THADA: variants seen among roughly 807,000 people sequenced by gnomAD.
The protein encoded by THADA is THADA armadillo repeat containing, also known as tRNA (32-2'-O)-methyltransferase regulator THADA.
A neutral mutation model predicts 219.8 loss-of-function variants in THADA; 213 were observed. That is an observed-to-expected ratio of 0.97 (90% CI 0.87 to 1.09). THADA has a LOEUF of 1.09. Ranked by LOEUF, THADA falls within the 50% of genes least tolerant of loss-of-function variation. THADA has a pLI of 0.00. For missense variants in THADA, 2,956 were observed against 2,311.3 expected, an observed-to-expected ratio of 1.28 and a Z score of -5.72; for synonymous variants, 1,018 against 828.9, an observed-to-expected ratio of 1.23 and a Z score of -3.92.
At chr2:43,411,309 T>C (rs1253486309) in intron 28 of THADA, among the ~76,000 whole-genome samples, 2 of 152,174 alleles carry the variant, frequency 1.3e-5, no homozygotes, top group Non-Finnish European at 1.5e-5. Flanking sequence ...TTTACCACCA[T>C]AGAAGTGAAC....
intron 36 of THADA, among the ~76,000 whole-genome samples, chr2:43,234,897 T>G (rs1156767337): frequency 2.6e-5 from 4 of 152,164 alleles, no homozygotes; most frequent in African/African-American, 9.7e-5. Context: ...GGTCTCAAAC[T>G]CCTGACCTCA....
At chr2:43,368,846 T>C (rs1670475216) in intron 29 of THADA, among the ~76,000 whole-genome samples, 1 of 152,158 alleles carries the variant, frequency 6.6e-6, no homozygotes, top group Non-Finnish European at 1.5e-5. Context: ...CAACCTAACA[T>C]CACAAGTTAG....
chr2:43,259,137 G>A (rs1670664275), intron 36 of THADA, among the ~76,000 whole-genome samples: 1 of 152,168 alleles, frequency 6.6e-6, no homozygotes, highest in Non-Finnish European at 1.5e-5. Context: ...AAGGGGAGGG[G>A]GTCAGTGAAG....
intron 29 of THADA, among the ~76,000 whole-genome samples, chr2:43,351,642 T>A (rs996257942): frequency 7.2e-5 from 11 of 152,228 alleles, no homozygotes; most frequent in Non-Finnish European, 1.6e-4. Context: ...GAGCTCTTTA[T>A]CTGGCAGGGA....
intron 29 of THADA, among the ~76,000 whole-genome samples, chr2:43,366,711 A>C (rs1200528245): frequency 6.6e-6 from 1 of 152,238 alleles, no homozygotes; most frequent in East Asian, 1.9e-4. Flanking sequence ...TTTTTATGGA[A>C]AACAGTATGG....
At chr2:43,476,193 T>C (rs1006382240) in intron 26 of THADA, among the ~76,000 whole-genome samples, 2 of 152,118 alleles carry the variant, frequency 1.3e-5, no homozygotes, top group Admixed American at 1.3e-4. Context: ...TGAAGAAAAG[T>C]GTGTAGAGTG....
chr2:43,366,357 A>G (rs1254947592), intron 29 of THADA, among the ~76,000 whole-genome samples: 1 of 152,206 alleles, frequency 6.6e-6, no homozygotes, highest in Non-Finnish European at 1.5e-5. Flanking sequence ...TGAAGAAGAA[A>G]AAGCTCACTG....
At chr2:43,356,078 A>G (rs1343053961) in intron 29 of THADA, among the ~76,000 whole-genome samples, 1 of 152,222 alleles carries the variant, frequency 6.6e-6, no homozygotes, top group Non-Finnish European at 1.5e-5. Context: ...GTTAAGGGCT[A>G]TAAGAGAAAT....
chr2:43,258,192 C>G (rs1209249138), intron 36 of THADA, among the ~76,000 whole-genome samples: 1 of 152,002 alleles, frequency 6.6e-6, no homozygotes, highest in East Asian at 1.9e-4. Context: ...GTAAGTATTC[C>G]CAAATATAGC....
chr2:43,513,065 G>A (rs1690698077), intron 22 of THADA, among the ~76,000 whole-genome samples: 1 of 152,176 alleles, frequency 6.6e-6, no homozygotes, highest in African/African-American at 2.4e-5. Context: ...CCTAGTAGCT[G>A]TACAATCCAA....
chr2:43,509,643 A>AT (rs892740198), intron 22 of THADA, among the ~76,000 whole-genome samples: 13 of 151,676 alleles, frequency 8.6e-5, no homozygotes, highest in African/African-American at 2.2e-4. Flanking sequence ...GAACATTGGG[A>AT]TTTTTTTTTC....
chr2:43,363,147 C>T (rs774392353), intron 29 of THADA, among the ~76,000 whole-genome samples: 6 of 152,172 alleles, frequency 3.9e-5, no homozygotes, highest in Non-Finnish European at 8.8e-5. Flanking sequence ...TCTAAAGTAA[C>T]AATAAAAAGC....
intron 29 of THADA, among the ~76,000 whole-genome samples, chr2:43,368,357 C>T (rs1331882684): frequency 6.6e-6 from 1 of 152,034 alleles, no homozygotes; most frequent in African/African-American, 2.4e-5. Flanking sequence ...AGCTAAAAGC[C>T]CTCTCAACAT....
intron 24 of THADA, among the ~76,000 whole-genome samples, chr2:43,504,993 T>A (rs1463365117): frequency 1.3e-5 from 2 of 152,148 alleles, no homozygotes; most frequent in African/African-American, 4.8e-5. Context: ...TACTCCCTAG[T>A]GGTGAAGTGG....
Position 43,292,852 on chromosome 2 carries a change from G to C in THADA, c.4800C>G (p.His1600Gln), listed in dbSNP as rs1363140113. Residue 1600 changes from histidine (H) to glutamine (Q), a missense_variant, in exon 32 of 38, where the codon CAC (histidine) becomes CAG (glutamine). Transcript: ENST00000405975. ...KFLLLAMKEN[H>Q]PECFCKILKI... is the part of the protein sequence containing the mutation. ...ACTTTACCTTGCAGAAGCATTCTGG[G>C]TGATTTTCCTTCATGGCCAACAATA... The C allele has an allele frequency of 1.2e-6, 2 of 1,613,074 alleles. No homozygotes were observed. Among genetic ancestry groups the C allele is most frequent in the South Asian group, 1.1e-5 (1 of 91,080 alleles).
Position 43,578,597 on chromosome 2 carries a change from T to C in THADA, c.732A>G (p.Leu244=). 6.2e-7 allele frequency: 1 copy of C among 1,601,356 alleles called. No homozygotes were observed. Among genetic ancestry groups the C allele is most frequent in the Admixed American group, 1.7e-5 (1 of 58,218 alleles). The change falls in exon 9 of 38, where the codon TTA becomes TTG. Residue 244 remains leucine (L), a synonymous_variant. Coordinates refer to ENST00000405975, the MANE Select transcript of THADA (RefSeq NM_022065.5). ...FTKVLSDDDL[L]QTVQSTSGLA... is the part of the protein sequence containing the mutation. ...ATCCAGATGTGCTCTGTACAGTCTG[T>C]AACAGATCATCTATTTGGCAAAAAA...
At chr2:43,266,731 G>T (rs1455385186) in intron 36 of THADA, among the ~76,000 whole-genome samples, 1 of 152,178 alleles carries the variant, frequency 6.6e-6, no homozygotes, top group East Asian at 1.9e-4. Flanking sequence ...AACAGTGTGG[G>T]TCTGACTCAA....
chr2:43,457,133 TACACACACACACACACACACACACACAC>T (rs35803641), intron 26 of THADA, among the ~76,000 whole-genome samples: 2 of 126,152 alleles, frequency 1.6e-5, no homozygotes, highest in South Asian at 5.7e-4. Context: ...TTAGGATATC[TACACACACACACACACACACACACACAC>T]ACACACACAC....
chr2:43,502,314 G>C (rs530605989), intron 24 of THADA, among the ~76,000 whole-genome samples: 9 of 152,142 alleles, frequency 5.9e-5, no homozygotes, highest in Non-Finnish European at 1.0e-4. Context: ...GTCAGGTGTG[G>C]TGGCTCACGC....
Sources: gnomAD v4.1 joint callset for allele counts (sites outside exome capture counted in the v4.1 genomes callset) on GRCh38, gnomAD v4.1.1 for gene constraint, MANE v1.5 for transcripts, NCBI Gene and HGNC (gene_info 2026-07-23, HGNC 2026-07-21) for gene names.